Variants in DPP10 observed in about 807,000 individuals in gnomAD.
DPP10 encodes dipeptidyl peptidase like 10, also known as inactive dipeptidyl peptidase 10.
A neutral mutation model predicts 120.9 loss-of-function variants in DPP10; 33 were observed. The ratio of observed to expected loss-of-function variants is 0.27; its 90% confidence interval spans 0.21 to 0.37. The LOEUF is 0.37. Ranked by LOEUF, DPP10 falls within the 10% of genes least tolerant of loss-of-function variation. The pLI is 1.00. For missense variants in DPP10, 816 were observed against 942.8 expected (o/e 0.87, Z 1.76); for synonymous variants, 337 against 326.1 (o/e 1.03, Z -0.36).
intron 7 of DPP10, among the ~76,000 whole-genome samples, chr2:115,701,139 T>G (rs896935920): frequency 4.6e-5 from 7 of 152,024 alleles, no homozygotes. Context: ...TCCGAAACAT[T>G]TGTAAAAAAG....
At chr2:114,959,099 C>T (rs1263109872) in intron 1 of DPP10, among the ~76,000 whole-genome samples, 3 of 152,074 alleles carry the variant, frequency 2.0e-5, no homozygotes, top group Non-Finnish European at 4.4e-5. Flanking sequence ...TGCTCTGTCA[C>T]CCGGGCTGGA....
intron 1 of DPP10, among the ~76,000 whole-genome samples, chr2:114,472,049 A>G (rs1679964641): frequency 6.6e-6 from 1 of 152,196 alleles, no homozygotes; most frequent in African/African-American, 2.4e-5. Flanking sequence ...CCTCAGCATA[A>G]CAGCTCAGTC....
At chr2:114,693,841 C>T (rs1000947497) in intron 1 of DPP10, among the ~76,000 whole-genome samples, 1 of 151,902 alleles carries the variant, frequency 6.6e-6, no homozygotes, top group Non-Finnish European at 1.5e-5. Context: ...TCTTCAAGCT[C>T]TGAGATTCTT....
chr2:114,749,164 G>A lies in DPP10; in HGVS notation c.60+306326G>A, dbSNP rs532164124. On this transcript the variant is annotated intron_variant, in intron 1 of 25. Coordinates refer to ENST00000410059, the MANE Select transcript of DPP10 (RefSeq NM_020868.6). ...TTTCTCTGATGGCCAGTGATGATGA[G>A]CATTTTTTCATGTGTTTTTTGGCTG... Among the ~76,000 whole-genome samples, 68 of 147,386 alleles carry A rather than the reference G, an allele frequency of 4.6e-4. 1 individual carries two copies. The South Asian group carries it at 0.013, about 29-fold the overall frequency.
At chr2:115,828,445 T>C (rs1444845140) in intron 21 of DPP10, among the ~76,000 whole-genome samples, 3 of 152,152 alleles carry the variant, frequency 2.0e-5, no homozygotes, top group Non-Finnish European at 4.4e-5. Flanking sequence ...TTATTATTAT[T>C]TCAAATATTT....
chr2:114,652,520 T>G (rs143147933), intron 1 of DPP10, among the ~76,000 whole-genome samples: 28 of 152,264 alleles, frequency 1.8e-4, no homozygotes, highest in African/African-American at 6.0e-4. Context: ...TGAGCAGAGA[T>G]TGTCTAAGCA....
At chr2:114,558,627 T>G (rs1285490291) in intron 1 of DPP10, among the ~76,000 whole-genome samples, 1 of 152,248 alleles carries the variant, frequency 6.6e-6, no homozygotes, top group Non-Finnish European at 1.5e-5. Flanking sequence ...TCATCCTTCC[T>G]GCTCTATGCT....
At chr2:115,055,068 G>T (rs1705796751) in intron 1 of DPP10, among the ~76,000 whole-genome samples, 1 of 151,882 alleles carries the variant, frequency 6.6e-6, no homozygotes, top group East Asian at 1.9e-4. Flanking sequence ...TAACAATAAT[G>T]CTGTTGTTTA....
chr2:114,585,773 C>T (rs4849342), intron 1 of DPP10, among the ~76,000 whole-genome samples: 94,492 of 152,092 alleles, frequency 0.62, 29,423 homozygotes, highest in East Asian at 0.69. Flanking sequence ...TTTCTCTCAA[C>T]TTGATGTCCC....
intron 5 of DPP10, among the ~76,000 whole-genome samples, chr2:115,659,212 A>G (rs549169486): frequency 3.4e-4 from 52 of 152,234 alleles, no homozygotes; most frequent in African/African-American, 1.1e-3. Flanking sequence ...ATGCTCTCAT[A>G]CTTCCCAACC....
chr2:115,286,296 C>T (rs1444840766), intron 1 of DPP10, among the ~76,000 whole-genome samples: 3 of 150,476 alleles, frequency 2.0e-5, no homozygotes, highest in African/African-American at 4.9e-5. Flanking sequence ...TGGATTTAAT[C>T]CTTGCTAGAA....
intron 1 of DPP10, among the ~76,000 whole-genome samples, chr2:114,812,480 C>G (rs1685257839): frequency 1.3e-5 from 2 of 151,718 alleles, no homozygotes; most frequent in South Asian, 4.2e-4. Context: ...TCCAGCTACT[C>G]AGGATGCTAA....
chr2:115,503,476 C>T (rs190656906), intron 4 of DPP10, among the ~76,000 whole-genome samples: 1 of 152,214 alleles, frequency 6.6e-6, no homozygotes. Flanking sequence ...AACACAGTAG[C>T]ACAGATAAAG....
intron 3 of DPP10, among the ~76,000 whole-genome samples, chr2:115,415,869 A>ATATATATG (rs2069368621): frequency 7.3e-6 from 1 of 137,706 alleles, no homozygotes; most frequent in Non-Finnish European, 1.6e-5. Flanking sequence ...ATATATATAT[A>ATATATATG]TATATATGCA....
chr2:115,690,647 A>G (rs895099929), intron 7 of DPP10, among the ~76,000 whole-genome samples: 2 of 152,096 alleles, frequency 1.3e-5, no homozygotes, highest in African/African-American at 4.8e-5. Flanking sequence ...TCCTGACCTC[A>G]AGCGATCCAC....
In DPP10 at chr2:114,739,623, C is replaced by T. The variant is rs138913362; in HGVS notation, c.60+296785C>T. ...GCAGTGAGCCAAGACTGAGCCACTG[C>T]ACTCCAGCCTGGGTGACAGAGCAAG... On this transcript the variant is annotated intron_variant, in intron 1 of 25. Coordinates refer to ENST00000410059, the MANE Select transcript of DPP10 (RefSeq NM_020868.6). 6.5e-4 allele frequency among the ~76,000 whole-genome samples: 99 copies of T among 152,276 alleles called. 3 individuals carry two copies. In the East Asian group the frequency reaches 0.018, roughly 27 times the overall value.
chr2:115,837,648 T>A (rs1260430180), intron 24 of DPP10, among the ~76,000 whole-genome samples: 1 of 152,088 alleles, frequency 6.6e-6, no homozygotes, highest in Admixed American at 6.5e-5. Context: ...ACATCAACAG[T>A]GACAAGTCAT....
intron 1 of DPP10, among the ~76,000 whole-genome samples, chr2:115,213,478 T>A (rs1219237171): frequency 1.3e-5 from 2 of 152,178 alleles, no homozygotes; most frequent in African/African-American, 4.8e-5. Flanking sequence ...GTTTACTTTA[T>A]CTATCTCCAT....
chr2:115,620,025 G>A (rs1240846753), intron 5 of DPP10, among the ~76,000 whole-genome samples: 1 of 152,176 alleles, frequency 6.6e-6, no homozygotes, highest in Non-Finnish European at 1.5e-5. Flanking sequence ...GTAGTATGTT[G>A]GAATGTTTTG....
Sources: gnomAD v4.1 joint callset for allele counts (sites outside exome capture counted in the v4.1 genomes callset) on GRCh38, gnomAD v4.1.1 for gene constraint, MANE v1.5 for transcripts, NCBI Gene and HGNC (gene_info 2026-07-23, HGNC 2026-07-21) for gene names.